The following NCOA3 variants were observed in gnomAD, a reference collection of about 807,000 sequenced individuals.
The protein encoded by NCOA3 is CBP-interacting protein.
Under a neutral mutation model 158.8 loss-of-function variants are expected in NCOA3, and 51 were observed. That is an observed-to-expected ratio of 0.32 (90% CI 0.26 to 0.41). NCOA3 has a LOEUF of 0.41. Among genes scored for constraint, NCOA3 ranks in the 10% least tolerant of loss-of-function variants. NCOA3 has a pLI of 1.00. For synonymous variants in NCOA3, 537 were observed against 592.4 expected (o/e 0.91, Z 1.36); for missense variants, 1,510 against 1,746.6 (o/e 0.86, Z 2.41).
rs1393934440 is a variant in NCOA3 at position 47,525,593 on chromosome 20, G to T, written c.-99+23574G>T. On this transcript the variant is annotated intron_variant, in intron 1 of 22. Transcript: ENST00000371998. ...CCCCCCCACCTCCCTCCTGGACGGGGCGGCTGGCCGGGCGGGGGGCTGACC... is the reference window on the plus strand; with the variant it reads ...CCCCCCCACCTCCCTCCTGGACGGGTCGGCTGGCCGGGCGGGGGGCTGACC... Among the ~76,000 whole-genome samples, 70 of 133,974 alleles carry T rather than the reference G, an allele frequency of 5.2e-4. 2 individuals are homozygous for T. The highest frequency in any genetic ancestry group is 8.9e-3 in the Middle Eastern group (2 of 224). The allele number at this position is 133,974 out of a possible 152,430, so 87.9% of individuals were successfully genotyped here.
At chr20:47,582,947 A>G (rs555338618) in intron 1 of NCOA3, among the ~76,000 whole-genome samples, 25 of 152,264 alleles carry the variant, frequency 1.6e-4, no homozygotes, top group Non-Finnish European at 3.2e-4. Context: ...GGCGGATGCC[A>G]TGTCGCCCGG....
chr20:47,580,401 CA>C (rs981051402), intron 1 of NCOA3, among the ~76,000 whole-genome samples: 3 of 152,030 alleles, frequency 2.0e-5, no homozygotes, highest in Non-Finnish European at 4.4e-5. Flanking sequence ...CCTGTCTCTA[CA>C]AAAATTAGCT....
chr20:47,532,199 A>G (rs2084558873), intron 1 of NCOA3, among the ~76,000 whole-genome samples: 1 of 151,782 alleles, frequency 6.6e-6, no homozygotes, highest in Admixed American at 6.6e-5. Context: ...TACTTAAACA[A>G]GGACACCAGG....
At chr20:47,645,321 C>CA (rs2086669798) in intron 17 of NCOA3, among the ~76,000 whole-genome samples, 1 of 151,984 alleles carries the variant, frequency 6.6e-6, no homozygotes, top group African/African-American at 2.4e-5. Flanking sequence ...GCTCTATACT[C>CA]AGACTCCTAA....
intron 1 of NCOA3, among the ~76,000 whole-genome samples, chr20:47,545,176 T>A (rs1204869167): frequency 4.6e-4 from 1 of 2,174 alleles, no homozygotes; most frequent in African/African-American, 4.9e-3. Context: ...TCCATAGGAT[T>A]TTTTTTTTTT....
intron 1 of NCOA3, among the ~76,000 whole-genome samples, chr20:47,566,927 T>C (rs184024869): frequency 6.6e-6 from 1 of 152,198 alleles, no homozygotes; most frequent in African/African-American, 2.4e-5. Context: ...GAAGCCAGCC[T>C]GGGCAACATA....
chr20:47,652,052 T>C (rs1050150440), intron 20 of NCOA3, among the ~76,000 whole-genome samples: 4 of 152,096 alleles, frequency 2.6e-5, no homozygotes, highest in Admixed American at 6.5e-5. Context: ...AAGGTGTCTA[T>C]TGGGGAGCCC....
chr20:47,517,426 T>C (rs2146071763), intron 1 of NCOA3, among the ~76,000 whole-genome samples: 1 of 151,896 alleles, frequency 6.6e-6, no homozygotes, highest in Middle Eastern at 3.4e-3. Context: ...AATTACATTT[T>C]CTTCTTTTTT....
At chr20:47,558,168 C>T (rs2085038011) in intron 1 of NCOA3, among the ~76,000 whole-genome samples, 1 of 150,348 alleles carries the variant, frequency 6.7e-6, no homozygotes, top group African/African-American at 2.4e-5. Context: ...AACGATTTCT[C>T]CTGCCTCAGC....
At chr20:47,604,214 T>C (rs1342000922) in intron 2 of NCOA3, among the ~76,000 whole-genome samples, 1 of 152,202 alleles carries the variant, frequency 6.6e-6, no homozygotes, top group African/African-American at 2.4e-5. Context: ...TTACCTGTGG[T>C]TTTTAATCCT....
intron 2 of NCOA3, among the ~76,000 whole-genome samples, chr20:47,598,021 G>A (rs143254693): frequency 0.024 from 3,646 of 151,366 alleles, 181 homozygotes; most frequent in African/African-American, 0.084. Context: ...CGAGGTGGGC[G>A]GATCATGAGG....
intron 1 of NCOA3, among the ~76,000 whole-genome samples, chr20:47,511,763 A>G (rs2084146090): frequency 6.6e-6 from 1 of 151,538 alleles, no homozygotes; most frequent in African/African-American, 2.4e-5. Context: ...CTTGTTGGCC[A>G]GGCTGATCTT....
In NCOA3 at chr20:47,639,203, GTACGT is replaced by G; in HGVS notation, c.2707+4_2707+8del. 6.2e-7 allele frequency: 1 copy of G among 1,606,034 alleles called. No individual in the cohort carries two copies. The highest frequency in any genetic ancestry group is 8.5e-7 in the Non-Finnish European group (1 of 1,173,336). On this transcript the variant is annotated splice_donor_variant and splice_donor_5th_base_variant and intron_variant, in intron 14 of 22. Coordinates refer to ENST00000371998, the MANE Select transcript of NCOA3 (RefSeq NM_181659.3). LOFTEE classifies it high-confidence loss of function. ...CAGGAAAATTATGGCTCAAGTATGG[GTACGT>G]TATTTCTAATTAGTATGTATGATTA... is the stretch of plus-strand genomic sequence containing the variant.
chr20:47,539,538 G>C (rs982095231), intron 1 of NCOA3, among the ~76,000 whole-genome samples: 1 of 152,176 alleles, frequency 6.6e-6, no homozygotes, highest in African/African-American at 2.4e-5. Flanking sequence ...GAATGGCAAA[G>C]TGCTAAGCTC....
chr20:47,597,217 A>C (rs990008110), intron 2 of NCOA3, among the ~76,000 whole-genome samples: 1 of 152,088 alleles, frequency 6.6e-6, no homozygotes, highest in African/African-American at 2.4e-5. Context: ...GAAACCTCCA[A>C]CTGGTCTGCT....
intron 1 of NCOA3, among the ~76,000 whole-genome samples, chr20:47,543,816 A>T (rs2084783262): frequency 6.6e-6 from 1 of 152,084 alleles, no homozygotes; most frequent in Non-Finnish European, 1.5e-5. Context: ...AGCCAAGAAA[A>T]GCTTTTTCTA....
rs1004243559 is a variant in NCOA3, at chr20:47,534,579, A to G, written c.-99+32560A>G. Among the ~76,000 whole-genome samples the G allele has an allele frequency of 5.3e-5, 8 of 152,174 alleles. No homozygotes were observed. In the South Asian group the frequency reaches 8.3e-4, roughly 16 times the overall value. On this transcript the variant is annotated intron_variant, in intron 1 of 22. Transcript: ENST00000371998. ...AAGAATAAGATATGAAAAAACCTCA[A>G]AGTAACTGTCTGCTTTTACTTTAGA...
intron 1 of NCOA3, among the ~76,000 whole-genome samples, chr20:47,540,420 A>G (rs1435058121): frequency 6.6e-6 from 1 of 151,990 alleles, no homozygotes; most frequent in Non-Finnish European, 1.5e-5. Flanking sequence ...TAAAAATACA[A>G]AAATTAGCTG....
chr20:47,552,617 T>C (rs1602390468), intron 1 of NCOA3, among the ~76,000 whole-genome samples: 2 of 152,342 alleles, frequency 1.3e-5, no homozygotes, highest in Non-Finnish European at 2.9e-5. Flanking sequence ...CATACTGCTG[T>C]TAATTTTCCT....
Sources: gnomAD v4.1 joint callset for allele counts (sites outside exome capture counted in the v4.1 genomes callset) on GRCh38, gnomAD v4.1.1 for gene constraint, MANE v1.5 for transcripts, NCBI Gene and HGNC (gene_info 2026-07-23, HGNC 2026-07-21) for gene names.